The following PRR5 variants were observed in gnomAD, a reference collection of about 807,000 sequenced individuals.
PRR5 encodes the protein proline rich 5.
A neutral mutation model predicts 30.6 loss-of-function variants in PRR5; 25 were observed. That is an observed-to-expected ratio of 0.82 (90% CI 0.60 to 1.14). The LOEUF (loss-of-function observed/expected upper bound fraction) is 1.14. Among genes scored for constraint, PRR5 ranks in the 50% most tolerant of loss-of-function variants. The probability of loss-of-function intolerance (pLI) is 0.00; values close to 1 mark genes in which losing one functional copy is unlikely to be tolerated. For missense variants in PRR5, 600 were observed against 547.1 expected, an observed-to-expected ratio of 1.10 and a Z score of -0.96; for synonymous variants, 286 against 247.1, an observed-to-expected ratio of 1.16 and a Z score of -1.48.
chr22:44,701,480 G>A (rs1211628904), upstream of PRR5, among the ~76,000 whole-genome samples: 1 of 152,240 alleles, frequency 6.6e-6, no homozygotes, highest in African/African-American at 2.4e-5. Flanking sequence ...TGTGAAATCA[G>A]ACATCTAAAA....
chr22:44,733,710 G>T (rs1366129999), intron 6 of PRR5, among the ~76,000 whole-genome samples: 1 of 152,202 alleles, frequency 6.6e-6, no homozygotes, highest in African/African-American at 2.4e-5. Flanking sequence ...CCTACAGGCA[G>T]ACAATTCCAG....
At chr22:44,718,397 G>A (rs1253292545) in intron 2 of PRR5, among the ~76,000 whole-genome samples, 2 of 151,996 alleles carry the variant, frequency 1.3e-5, no homozygotes, top group Non-Finnish European at 2.9e-5. Flanking sequence ...GTTTCACCAT[G>A]TTGGCCAGGC....
intron 1 of PRR5, among the ~76,000 whole-genome samples, chr22:44,705,062 C>G (rs1448985815): frequency 1.3e-5 from 2 of 152,180 alleles, no homozygotes; most frequent in East Asian, 1.9e-4. Context: ...GACACACCCC[C>G]TTTTATCTGT....
chr22:44,723,950 G>A (rs1014624364), intron 2 of PRR5, among the ~76,000 whole-genome samples: 7 of 152,188 alleles, frequency 4.6e-5, no homozygotes, highest in African/African-American at 1.7e-4. Flanking sequence ...CAGATACTTA[G>A]GGACCAATCA....
chr22:44,697,693 G>C (rs988811155), upstream of PRR5, among the ~76,000 whole-genome samples: 2 of 152,226 alleles, frequency 1.3e-5, no homozygotes, highest in Non-Finnish European at 2.9e-5. Flanking sequence ...GAGAGTGGGC[G>C]AGATGGAGGC....
rs1922220887 is a variant in PRR5, at chr22:44,732,539, AC to A, written c.555+150del. On this transcript the variant is annotated intron_variant, in intron 6 of 7. Coordinates refer to ENST00000336985, the MANE Select transcript of PRR5 (RefSeq NM_181333.4). ...GAGGAGAAGCCTGTCAGGGCCAGGGACCGGGGAGCAGCTGGTCAGAGCTGTG... is the reference window on the plus strand; with the variant it reads ...GAGGAGAAGCCTGTCAGGGCCAGGGACGGGGAGCAGCTGGTCAGAGCTGTG... The A allele has an allele frequency of 2.3e-6, 3 of 1,280,384 alleles. No homozygotes were observed. The South Asian group carries it at 4.4e-5, about 19-fold the overall frequency. 79.3% of individuals were successfully genotyped at this position (1,280,384 alleles called of 1,614,324 possible).
At chr22:44,696,719 AC>A (rs1210080180) in intron 1 of PRR5, among the ~76,000 whole-genome samples, 1 of 147,238 alleles carries the variant, frequency 6.8e-6, no homozygotes, top group Non-Finnish European at 1.5e-5. Flanking sequence ...ACATGAACTT[AC>A]GTATTTATTT....
At position 44,737,178 on chromosome 22, in the gene PRR5, CTT is replaced by C. The variant is rs1244680828; in HGVS notation, c.1100_1101del (p.Phe367TrpfsTer29). 6.2e-7 allele frequency: 1 copy of C among 1,612,592 alleles called. No individual in the cohort carries two copies. Among genetic ancestry groups the C allele is most frequent in the East Asian group, 2.2e-5 (1 of 44,888 alleles). ...DSDSEGIFID[F>X]GRGRGSGMSD... ...CGGATTCTGAAGGGATTTTCATTGA[CTT>C]TGGCCGGGGCCGGGGCTCTGGCATG... is the stretch of plus-strand genomic sequence containing the variant. On this transcript the variant is annotated frameshift_variant, in exon 8 of 8. Transcript: ENST00000336985. LOFTEE classifies it low-confidence loss of function (END_TRUNC).
At chr22:44,673,072 G>A (rs542002101), upstream of PRR5, among the ~76,000 whole-genome samples, 67 of 152,356 alleles carry the variant, frequency 4.4e-4, no homozygotes, top group Admixed American at 1.2e-3. Flanking sequence ...CATCTGCTGG[G>A]TTGGTTAAAG....
chr22:44,703,620 G>A (rs1926723942), intron 1 of PRR5, among the ~76,000 whole-genome samples: 1 of 152,202 alleles, frequency 6.6e-6, no homozygotes, highest in Non-Finnish European at 1.5e-5. Flanking sequence ...CTCCGTCAGT[G>A]GGTATTCGCA....
At chr22:44,692,550 C>G (rs1925373219) in intron 1 of PRR5, among the ~76,000 whole-genome samples, 1 of 148,700 alleles carries the variant, frequency 6.7e-6, no homozygotes, top group Non-Finnish European at 1.5e-5. Flanking sequence ...GGCTCCTCCA[C>G]CTGGCACTCC....
chr22:44,712,061 G>A (rs1167624687), intron 1 of PRR5, among the ~76,000 whole-genome samples: 2 of 152,004 alleles, frequency 1.3e-5, no homozygotes, highest in African/African-American at 2.4e-5. Flanking sequence ...TTCTCACAGG[G>A]GAGCGTCATC....
chr22:44,694,997 C>A (rs535802969), intron 1 of PRR5, among the ~76,000 whole-genome samples: 1 of 152,150 alleles, frequency 6.6e-6, no homozygotes, highest in East Asian at 1.9e-4. Context: ...ACGATGAAAC[C>A]CCATCTCTAC....
At chr22:44,674,577 C>A (rs136916), upstream of PRR5, among the ~76,000 whole-genome samples, 3 of 151,632 alleles carry the variant, frequency 2.0e-5, no homozygotes, top group Admixed American at 1.3e-4. Context: ...AAAAATTAGC[C>A]GGGCGTGGTG....
At chr22:44,687,203 G>C in intron 1 of PRR5, among the ~76,000 whole-genome samples, 1 of 152,168 alleles carries the variant, frequency 6.6e-6, no homozygotes, top group Admixed American at 6.5e-5. Context: ...GTGATATTTT[G>C]ACCCCTGTAC....
chr22:44,730,065 A>G, intron 4 of PRR5: 5 of 985,344 alleles, frequency 5.1e-6, no homozygotes, highest in Non-Finnish European at 6.0e-6. Context: ...GGAGCCAAAG[A>G]TGGGACCCAG....
upstream of PRR5, among the ~76,000 whole-genome samples, chr22:44,699,833 C>T (rs1003337689): frequency 6.6e-6 from 1 of 152,186 alleles, no homozygotes; most frequent in Non-Finnish European, 1.5e-5. Context: ...AAGGCCCCTC[C>T]GAGGAGTCAA....
At chr22:44,702,202 C>T (rs1926413994), upstream of PRR5, 1 of 1,068,496 alleles carries the variant, frequency 9.4e-7, no homozygotes. Flanking sequence ...GGGTCCGCCC[C>T]CGGCCTCCGT....
chr22:44,714,702 C>A (rs773515330), intron 2 of PRR5, 31 bp downstream of exon 2: 2 of 1,612,328 alleles, frequency 1.2e-6, no homozygotes, highest in South Asian at 2.2e-5. Context: ...GGTCCAGGGT[C>A]CTTGAGTGGC....
Sources: gnomAD v4.1 joint callset for allele counts (sites outside exome capture counted in the v4.1 genomes callset) on GRCh38, gnomAD v4.1.1 for gene constraint, MANE v1.5 for transcripts, NCBI Gene and HGNC (gene_info 2026-07-23, HGNC 2026-07-21) for gene names.